Variants in L3HYPDH observed in about 807,000 individuals in gnomAD.
L3HYPDH encodes the protein trans-3-hydroxy-L-proline dehydratase.
L3HYPDH carries 32 observed loss-of-function variants against 26.5 expected under a neutral mutation model. The ratio of observed to expected loss-of-function variants is 1.21; its 90% CI spans 0.91 to 1.62. The LOEUF (loss-of-function observed/expected upper bound fraction) is 1.62, where lower values mean the gene tolerates loss of function less well. Among genes scored for constraint, L3HYPDH ranks in the 40% most tolerant of loss-of-function variants. The pLI is 0.00. For synonymous variants in L3HYPDH, 215 were observed against 196.6 expected (o/e 1.09, Z -0.78); for missense variants, 554 against 476.4 (o/e 1.16, Z -1.52).
upstream of L3HYPDH, chr14:59,484,523 C>T (rs1380599990): frequency 1.7e-5 from 27 of 1,550,006 alleles, no homozygotes; most frequent in South Asian, 1.3e-4. Flanking sequence ...CGCTGTGGCC[C>T]GGATGTTCGG....
At chr14:59,505,242 C>A in the L3HYPDH span, 1 of 1,474,074 alleles carries the variant, frequency 6.8e-7, no homozygotes, top group Non-Finnish European at 9.1e-7. Context: ...CCTTGAGTTA[C>A]TTTGTTAATG....
chr14:59,502,625 A>G, the L3HYPDH span, among the ~76,000 whole-genome samples: 2 of 152,124 alleles, frequency 1.3e-5, no homozygotes, highest in Non-Finnish European at 2.9e-5. Flanking sequence ...CTTTGTAATC[A>G]TCTTTAACCA....
upstream of L3HYPDH, chr14:59,486,881 T>C (rs79657620): frequency 5.5e-4 from 560 of 1,011,508 alleles, 4 homozygotes; most frequent in African/African-American, 8.2e-3. Flanking sequence ...ACAACATTTT[T>C]TGTTATTATA....
chr14:59,483,703 G>C, intron 1 of L3HYPDH, 106 bp downstream of exon 1: 4 of 1,495,576 alleles, frequency 2.7e-6, no homozygotes, highest in Non-Finnish European at 3.6e-6. Flanking sequence ...GCAAGGTTTC[G>C]CGGAGTAGGT....
Position 59,479,419 on chromosome 14 carries a change from G to A in L3HYPDH, c.509-68C>T. ...AAGTATTTTAGCAATAAAATTCAAA[G>A]GATTTTTAATATGTTTATTTTTCAA... is the stretch of plus-strand genomic sequence containing the variant. On this transcript the variant is annotated intron_variant, in intron 1 of 4. Coordinates refer to ENST00000247194, the MANE Select transcript of L3HYPDH (RefSeq NM_144581.2). The A allele has an allele frequency of 2.9e-6, 4 of 1,374,278 alleles. No homozygotes were observed. In the South Asian group the frequency reaches 5.3e-5, roughly 18 times the overall value. The allele number at this position is 1,374,278 out of a possible 1,614,324, so 85.1% of individuals were successfully genotyped here.
At chr14:59,475,054 T>C (rs1457851196) in intron 4 of L3HYPDH, 1 of 152,208 alleles carries the variant, frequency 6.6e-6, no homozygotes, top group Non-Finnish European at 1.5e-5. Context: ...CATTCTGTAG[T>C]AGATTTCATT....
At chr14:59,494,967 C>T in the L3HYPDH span, 2 of 1,303,456 alleles carry the variant, frequency 1.5e-6, no homozygotes, top group Admixed American at 1.8e-5. Flanking sequence ...TTATTAAAGC[C>T]ATTTAAATAT....
chr14:59,469,354 G>A (rs1889258855), downstream of L3HYPDH, among the ~76,000 whole-genome samples: 1 of 151,770 alleles, frequency 6.6e-6, no homozygotes, highest in Admixed American at 6.6e-5. Flanking sequence ...GGAGTTCAAG[G>A]CCAGCCTGGC....
chr14:59,502,282 A>C, the L3HYPDH span, among the ~76,000 whole-genome samples: 86,715 of 152,028 alleles, frequency 0.57, 26,544 homozygotes, highest in East Asian at 0.82. Context: ...CAAACTCTAG[A>C]GGAAGCAGAA....
rs548467788 is a variant in L3HYPDH at position 59,484,046 on chromosome 14, C to A, written c.271G>T (p.Gly91Cys). ...VPSELPDAHLGVLFLHNEGYS... is the reference protein window; with the variant it reads ...VPSELPDAHLCVLFLHNEGYS... ...CCCTCGTTGTGCAGGAACAGGACGC[C>A]CAGATGCGCGTCCGGCAGCTCGCTC... Residue 91 changes from glycine to cysteine, a missense_variant, in exon 1 of 5, where the codon GGC (glycine) becomes TGC (cysteine). By Grantham distance (159) the Gly-to-Cys change is radical. Transcript: ENST00000247194. 3 of 1,606,544 alleles carry A rather than the reference C, an allele frequency of 1.9e-6. No individual in the cohort carries two copies. The highest frequency in any genetic ancestry group is 2.2e-5 in the East Asian group (1 of 44,822).
intron 1 of L3HYPDH, 152 bp from the exon 2 acceptor site, chr14:59,479,503 A>G (rs1413724624): frequency 2.2e-5 from 16 of 711,662 alleles, no homozygotes; most frequent in Non-Finnish European, 3.5e-5. Flanking sequence ...TTTTAAATGA[A>G]TAAGCATCGA....
chr14:59,494,089 G>A, the L3HYPDH span, among the ~76,000 whole-genome samples: 1 of 150,168 alleles, frequency 6.7e-6, no homozygotes, highest in Non-Finnish European at 1.5e-5. Flanking sequence ...AATGTGAAAA[G>A]CAAAACCTTA....
chr14:59,487,029 C>T (rs1890633835), upstream of L3HYPDH, among the ~76,000 whole-genome samples: 1 of 151,950 alleles, frequency 6.6e-6, no homozygotes, highest in Non-Finnish European at 1.5e-5. Context: ...GGTGAAACCC[C>T]ATCTCTGCTA....
the L3HYPDH span, among the ~76,000 whole-genome samples, chr14:59,491,558 C>G: frequency 6.6e-6 from 1 of 152,182 alleles, no homozygotes; most frequent in African/African-American, 2.4e-5. Context: ...TTTATGTTTT[C>G]AGTGTTTTCA....
In L3HYPDH at chr14:59,476,131, CT is replaced by C. The variant is rs750069945; in HGVS notation, c.761del (p.Lys254ArgfsTer24). Reference protein sequence around the residue: ...ILTDGKDAYTKEPTTNICVFA... With the variant: ...ILTDGKDAYTXEPTTNICVFA... Reference sequence around the variant, plus strand: ...AAACACAAATGTTGGTGGTTGGTTCCTTGGTATAAGCATCTTTTCCATCTGT... The same window carrying C: ...AAACACAAATGTTGGTGGTTGGTTCCTGGTATAAGCATCTTTTCCATCTGT... On this transcript the variant is annotated frameshift_variant, in exon 3 of 5. Transcript: ENST00000247194. LOFTEE classifies it high-confidence loss of function. 2.0e-5 allele frequency: 33 copies of C among 1,613,746 alleles called. No homozygotes were observed. Among genetic ancestry groups the C allele is most frequent in the Middle Eastern group, 3.3e-4 (2 of 6,080 alleles).
chr14:59,487,527 A>T, upstream of L3HYPDH: 2 of 591,356 alleles, frequency 3.4e-6, no homozygotes, highest in Non-Finnish European at 5.9e-6. Flanking sequence ...TTTTTATTTT[A>T]CTTATGCCCT....
chr14:59,498,684 T>A, the L3HYPDH span: 5 of 1,097,012 alleles, frequency 4.6e-6, no homozygotes, highest in African/African-American at 6.5e-5. Flanking sequence ...AAAACATTTT[T>A]AAAACATTTT....
Position 59,476,117 on chromosome 14 carries a change from T to C in L3HYPDH, c.776A>G (p.Asn259Ser). The change falls in exon 3 of 5, where the codon AAC becomes AGC. Residue 259 changes from asparagine to serine, a missense_variant. Physicochemically the swap from Asn to Ser is conservative, Grantham distance 46 (BLOSUM62 1). Transcript: ENST00000247194. Reference sequence around the variant, plus strand: ...CTGTTCATCTGCAAAAACACAAATGTTGGTGGTTGGTTCCTTGGTATAAGC... The same window carrying C: ...CTGTTCATCTGCAAAAACACAAATGCTGGTGGTTGGTTCCTTGGTATAAGC... ...KDAYTKEPTT[N>S]ICVFADEQVD... The C allele has an allele frequency of 6.2e-7, 1 of 1,614,014 alleles. No individual in the cohort carries two copies. Among genetic ancestry groups the C allele is most frequent in the Non-Finnish European group, 8.5e-7 (1 of 1,179,918 alleles).
the L3HYPDH span, among the ~76,000 whole-genome samples, chr14:59,502,773 T>TTTTTTTTTTTTTTTTTTTTTTTG: frequency 1.6e-4 from 16 of 102,822 alleles, 1 homozygote; most frequent in South Asian, 3.3e-4. Flanking sequence ...TTTTTTTTTT[T>TTTTTTTTTTTTTTTTTTTTTTTG]CGGAGTCTCA....
Sources: allele counts gnomAD v4.1 joint callset (sites outside exome capture counted in the v4.1 genomes callset), GRCh38; gene constraint gnomAD v4.1.1; transcripts MANE v1.5; gene names NCBI Gene and HGNC (gene_info 2026-07-23, HGNC 2026-07-21).